Variants in ARGFX observed in about 807,000 individuals in gnomAD.
ARGFX encodes the protein arginine-fifty homeobox.
ARGFX carries 10 observed loss-of-function variants against 8.0 expected under a neutral mutation model. The ratio of observed to expected loss-of-function variants is 1.25; its 90% CI spans 0.77 to 2.12. The LOEUF is 2.12. ARGFX is among the 30% of genes most tolerant of loss of function. ARGFX has a pLI of 0.00. For synonymous variants in ARGFX, 116 were observed against 117.8 expected, an observed-to-expected ratio of 0.98 and a Z score of 0.10; for missense variants, 282 against 324.3, an observed-to-expected ratio of 0.87 and a Z score of 1.00.
chr3:121,590,431 T>C lies in ARGFX; in HGVS notation c.*3831T>C, dbSNP rs1292774248. Among the ~76,000 whole-genome samples, 1 of 152,104 alleles carries C rather than the reference T, an allele frequency of 6.6e-6. No homozygotes were observed. The highest frequency in any genetic ancestry group is 6.6e-5 in the Admixed American group (1 of 15,258). On this transcript the variant is annotated 3_prime_UTR_variant, in exon 5 of 5. Transcript: ENST00000334384. ...TGATAAAAGGATGAGTTCGGCCTTC[T>C]TCTTCCCCAAAATCTTTATCCCCAC...
At position 121,586,157 on chromosome 3, in the gene ARGFX, T is replaced by C; in HGVS notation, c.505T>C (p.Ser169Pro). 1 of 1,614,090 alleles carries C rather than the reference T, an allele frequency of 6.2e-7. No individual in the cohort carries two copies. Among genetic ancestry groups the C allele is most frequent in the Non-Finnish European group, 8.5e-7 (1 of 1,180,018 alleles). The change falls in exon 5 of 5, where the codon TCT (serine) becomes CCT (proline). Residue 169 changes from serine to proline, a missense_variant. Coordinates refer to ENST00000334384, the MANE Select transcript of ARGFX (RefSeq NM_001012659.2). ...PRTSPSPYAF[S>P]PVISDFYSSL... ...AACATCCCCCAGTCCTTATGCTTTTTCTCCTGTGATTTCAGATTTCTACAG... is the reference window on the plus strand; with the variant it reads ...AACATCCCCCAGTCCTTATGCTTTTCCTCCTGTGATTTCAGATTTCTACAG...
At chr3:121,573,789 A>G (rs1302168523) in intron 2 of ARGFX, among the ~76,000 whole-genome samples, 3 of 140,076 alleles carry the variant, frequency 2.1e-5, no homozygotes, top group Non-Finnish European at 4.6e-5. Context: ...CAGAGGTTGC[A>G]GTGAGCCGAG....
At chr3:121,571,730 A>ATTTT (rs1173636701) in intron 2 of ARGFX, among the ~76,000 whole-genome samples, 1 of 107,078 alleles carries the variant, frequency 9.3e-6, no homozygotes, top group African/African-American at 3.5e-5. Flanking sequence ...TGCCCGGCAA[A>ATTTT]TTTTTTTTTT....
chr3:121,576,699 TTCTTTC>T, intron 2 of ARGFX, 79 bp from the exon 3 acceptor site: 1 of 261,780 alleles, frequency 3.8e-6, no homozygotes, highest in Admixed American at 6.4e-5. Flanking sequence ...TTCTTTCTCT[TTCTTTC>T]TTTTTCTTTC....
intron 1 of ARGFX, 87 bp from the exon 2 acceptor site, chr3:121,570,615 C>A: frequency 1.3e-6 from 1 of 779,222 alleles, no homozygotes; most frequent in Non-Finnish European, 2.0e-6. Flanking sequence ...AGAGGTCATA[C>A]ATCAAGCCCA....
At chr3:121,579,552 C>T (rs959374806) in intron 3 of ARGFX, among the ~76,000 whole-genome samples, 1 of 152,200 alleles carries the variant, frequency 6.6e-6, no homozygotes, top group Non-Finnish European at 1.5e-5. Flanking sequence ...CCCCTGTGCC[C>T]TCTCTGTAGT....
intron 2 of ARGFX, among the ~76,000 whole-genome samples, chr3:121,573,306 C>A (rs1161957601): frequency 6.6e-6 from 1 of 151,884 alleles, no homozygotes; most frequent in Non-Finnish European, 1.5e-5. Context: ...CATGGTGAAA[C>A]CCTGTCTCTA....
In ARGFX at chr3:121,588,102, T is replaced by G. The variant is rs1193701227; in HGVS notation, c.*1502T>G. ...AAAATAAAGAGTCAAACTTTTAGAA[T>G]GACAAGTTAGCATATTTTCCAGCCA... is the stretch of plus-strand genomic sequence containing the variant. On this transcript the variant is annotated 3_prime_UTR_variant, in exon 5 of 5. Coordinates refer to ENST00000334384, the MANE Select transcript of ARGFX (RefSeq NM_001012659.2). Among the ~76,000 whole-genome samples the G allele has an allele frequency of 1.3e-5, 2 of 151,818 alleles. No individual in the cohort carries two copies. Among genetic ancestry groups the G allele is most frequent in the African/African-American group, 2.4e-5 (1 of 41,356 alleles).
chr3:121,574,825 T>C (rs1423109703), intron 2 of ARGFX, among the ~76,000 whole-genome samples: 2 of 152,180 alleles, frequency 1.3e-5, no homozygotes, highest in Non-Finnish European at 2.9e-5. Flanking sequence ...ACACAGTACA[T>C]GGCTAAGAAT....
rs2048801526 is a variant in ARGFX at position 121,584,813 on chromosome 3, A to G, written c.221-104A>G. The G allele has an allele frequency of 3.7e-6, 5 of 1,346,094 alleles. No individual in the cohort carries two copies. In the East Asian group the frequency reaches 1.2e-4, roughly 31 times the overall value. 83.4% of individuals were successfully genotyped at this position (1,346,094 alleles called of 1,614,324 possible). A position where few individuals can be genotyped will look rare whatever the true frequency, so the allele number is the denominator to read the frequency against. ...TAAGCCTGGTTGGAGGAAAGGCATG[A>G]GAGATTCACCATGGTGATTTGTTTT... On this transcript the variant is annotated intron_variant, in intron 3 of 4. Coordinates refer to ENST00000334384, the MANE Select transcript of ARGFX (RefSeq NM_001012659.2).
intron 2 of ARGFX, among the ~76,000 whole-genome samples, chr3:121,571,846 A>G (rs965992580): frequency 2.8e-5 from 4 of 141,916 alleles, no homozygotes; most frequent in African/African-American, 1.1e-4. Flanking sequence ...TTTGTTTTTG[A>G]GATGGAGTTT....
At chr3:121,580,883 C>A (rs1367639727) in intron 3 of ARGFX, among the ~76,000 whole-genome samples, 4 of 151,876 alleles carry the variant, frequency 2.6e-5, no homozygotes, top group Admixed American at 1.3e-4. Context: ...ACACAAAAAC[C>A]CACTGCTTCC....
Position 121,571,579 on chromosome 3 carries a change from T to TTATTATTA in ARGFX, c.103+764_103+765insATTATTAT, listed in dbSNP as rs35055897. 2.1e-3 allele frequency among the ~76,000 whole-genome samples: 315 copies of TTATTATTA among 148,762 alleles called. 1 individual carries two copies. Among genetic ancestry groups the TTATTATTA allele is most frequent in the African/African-American group, 5.2e-3 (208 of 40,230 alleles). Reference sequence around the variant, plus strand: ...TATTATTATTATTATTATTATTATTTTTTGAGACAGTCTTGCTCTGTCACC... The same window carrying TTATTATTA: ...TATTATTATTATTATTATTATTATTTTATTATTATTTGAGACAGTCTTGCTCTGTCACC... On this transcript the variant is annotated intron_variant, in intron 2 of 4. Transcript: ENST00000334384.
At position 121,589,788 on chromosome 3, in the gene ARGFX, T is replaced by C. The variant is rs991875192; in HGVS notation, c.*3188T>C. ...TACTTAACAACATATACCAAAAATA[T>C]ATGAGGCAAATTTTAGCAAAAATTA... is the stretch of plus-strand genomic sequence containing the variant. On this transcript the variant is annotated 3_prime_UTR_variant, in exon 5 of 5. Coordinates refer to ENST00000334384, the MANE Select transcript of ARGFX (RefSeq NM_001012659.2). Among the ~76,000 whole-genome samples, 4 of 152,118 alleles carry C rather than the reference T, an allele frequency of 2.6e-5. No individual in the cohort carries two copies. The highest frequency in any genetic ancestry group is 9.7e-5 in the African/African-American group (4 of 41,412).
At chr3:121,585,380 CCAGA>C (rs1440865608) in intron 4 of ARGFX, among the ~76,000 whole-genome samples, 52 of 152,328 alleles carry the variant, frequency 3.4e-4, no homozygotes, top group African/African-American at 1.1e-3. Context: ...AGGTGCTCAT[CCAGA>C]CAGACTCCTC....
At chr3:121,576,334 A>C (rs944308568) in intron 2 of ARGFX, among the ~76,000 whole-genome samples, 1 of 151,894 alleles carries the variant, frequency 6.6e-6, no homozygotes, top group African/African-American at 2.4e-5. Context: ...TTCCAAACTC[A>C]ATTTATTTAT....
intron 2 of ARGFX, 106 bp downstream of exon 2, chr3:121,570,922 A>T (rs2048704661): frequency 1.3e-6 from 1 of 745,782 alleles, no homozygotes. Context: ...TGATTGTTTT[A>T]AAAAATCTAT....
chr3:121,572,738 C>G (rs1367929236), intron 2 of ARGFX, among the ~76,000 whole-genome samples: 1 of 152,092 alleles, frequency 6.6e-6, no homozygotes, highest in African/African-American at 2.4e-5. Flanking sequence ...AAGCTGGAGG[C>G]CTCATATTAC....
chr3:121,570,372 A>G (rs1177406966), intron 1 of ARGFX, among the ~76,000 whole-genome samples: 1 of 152,244 alleles, frequency 6.6e-6, no homozygotes, highest in Non-Finnish European at 1.5e-5. Context: ...TTTGTTTCTG[A>G]TGAGAAATCT....
Sources: allele counts gnomAD v4.1 joint callset (sites outside exome capture counted in the v4.1 genomes callset), GRCh38; gene constraint gnomAD v4.1.1; transcripts MANE v1.5; gene names NCBI Gene and HGNC (gene_info 2026-07-23, HGNC 2026-07-21).